FAIM2: variants seen among roughly 807,000 people sequenced by gnomAD.
FAIM2 encodes Fas apoptotic inhibitory molecule 2.
Under a neutral mutation model 47.4 loss-of-function variants are expected in FAIM2, and 27 were observed. The observed-to-expected ratio is 0.57, with a 90% CI of 0.42 to 0.78. The LOEUF (loss-of-function observed/expected upper bound fraction) is 0.78. FAIM2 is among the 30% of genes least tolerant of loss of function. The pLI, the probability that FAIM2 is intolerant of heterozygous loss-of-function variation, is 0.00. For missense variants in FAIM2, 311 were observed against 389.4 expected (o/e 0.80, Z 1.69); for synonymous variants, 156 against 159.3 (o/e 0.98, Z 0.16).
At chr12:49,898,233 C>G (rs894712664) in intron 2 of FAIM2, 143 bp from the exon 3 acceptor site, 1 of 653,338 alleles carries the variant, frequency 1.5e-6, no homozygotes, top group Non-Finnish European at 2.8e-6. Context: ...CATTATCAAA[C>G]ACCCAGCCCG....
At chr12:49,890,618 C>A in intron 7 of FAIM2, 65 bp downstream of exon 7, 1 of 1,498,698 alleles carries the variant, frequency 6.7e-7, no homozygotes, top group South Asian at 1.1e-5. Context: ...CCTCAATCCA[C>A]CCTGCTTCCC....
chr12:49,877,956 G>GTGTGCA (rs1946750028), intron 11 of FAIM2, among the ~76,000 whole-genome samples: 1 of 149,742 alleles, frequency 6.7e-6, no homozygotes, highest in African/African-American at 2.5e-5. Flanking sequence ...GTGCGTATGT[G>GTGTGCA]TGTGTATGTG....
chr12:49,893,137 G>A (rs1028434011), intron 5 of FAIM2, among the ~76,000 whole-genome samples: 17 of 152,174 alleles, frequency 1.1e-4, no homozygotes, highest in Non-Finnish European at 2.4e-4. Flanking sequence ...CCATGCTGCA[G>A]GCAGATCCAA....
chr12:49,890,234 T>A (rs768258954), intron 7 of FAIM2, 80 bp from the exon 8 acceptor site: 7 of 1,324,134 alleles, frequency 5.3e-6, no homozygotes, highest in Non-Finnish European at 5.4e-6. Context: ...AGCTCAGGTC[T>A]CCACCCCTTG....
At position 49,870,554 on chromosome 12, in the gene FAIM2, T is replaced by C; in HGVS notation, c.901A>G (p.Ile301Val). 1.2e-6 allele frequency: 2 copies of C among 1,613,676 alleles called. No individual in the cohort carries two copies. The highest frequency in any genetic ancestry group is 2.2e-5 in the South Asian group (2 of 91,046). The change falls in exon 12 of 12, where the codon ATC becomes GTC. Residue 301 changes from isoleucine (I) to valine (V), a missense_variant. Coordinates refer to ENST00000320634, the MANE Select transcript of FAIM2 (RefSeq NM_012306.4). ...FGALNIYLDI[I>V]YIFTFFLQLF... ...TGCAGGAAGAAGGTGAAGATATAGATGATGTCTAGGTAAATGTTGAGGGCT... is the reference window on the plus strand; with the variant it reads ...TGCAGGAAGAAGGTGAAGATATAGACGATGTCTAGGTAAATGTTGAGGGCT...
chr12:49,889,890 G>A (rs1946887205), intron 8 of FAIM2, among the ~76,000 whole-genome samples: 3 of 152,080 alleles, frequency 2.0e-5, no homozygotes, highest in Admixed American at 6.5e-5. Context: ...TACTGTTTGG[G>A]AGGAGCCACC....
intron 4 of FAIM2, among the ~76,000 whole-genome samples, 198 bp downstream of exon 4, chr12:49,897,321 C>G (rs1164959585): frequency 5.9e-5 from 9 of 152,178 alleles, no homozygotes; most frequent in Admixed American, 3.9e-4. Context: ...CCAGAAGGCA[C>G]CCAGGGTCCA....
At chr12:49,880,178 ATGCATGTGTGTATATG>A (rs202135663) in intron 11 of FAIM2, among the ~76,000 whole-genome samples, 11 of 56,754 alleles carry the variant, frequency 1.9e-4, no homozygotes, top group East Asian at 5.6e-4. Context: ...ATGTGTGTGT[ATGCATGTGTGTATATG>A]TGCATGTGTG....
rs187901868 is a variant in FAIM2 at position 49,900,224 on chromosome 12, T to C, written c.211+906A>G. ...GGGTCTGCGCCCAGGGGATTTGTAG[T>C]GGGAGGTGTAGACCATGGTGGCTAC... On this transcript the variant is annotated intron_variant, in intron 2 of 11. Transcript: ENST00000320634. 7.5e-4 allele frequency: 959 copies of C among 1,287,144 alleles called. 13 individuals carry two copies. Among genetic ancestry groups the C allele is most frequent in the East Asian group, 5.0e-3 (89 of 17,958 alleles). 79.7% of individuals were successfully genotyped at this position (1,287,144 alleles called of 1,614,324 possible).
chr12:49,880,980 G>C (rs1946822191), intron 11 of FAIM2, among the ~76,000 whole-genome samples: 1 of 152,100 alleles, frequency 6.6e-6, no homozygotes, highest in South Asian at 2.1e-4. Context: ...TGCCAGCTCT[G>C]AGGGCTCCAG....
At chr12:49,890,848 C>A (rs1946895243) in intron 6 of FAIM2, 126 bp from the exon 7 acceptor site, 1 of 900,536 alleles carries the variant, frequency 1.1e-6, no homozygotes, top group South Asian at 1.4e-5. Context: ...CCTCTTCCTT[C>A]AGCCACATCC....
chr12:49,884,614 A>T (rs1273596860), intron 11 of FAIM2, among the ~76,000 whole-genome samples: 1 of 152,212 alleles, frequency 6.6e-6, no homozygotes, highest in African/African-American at 2.4e-5. Context: ...GGGGCACTGG[A>T]AATGGCACCA....
At chr12:49,888,450 C>T (rs921851441) in intron 10 of FAIM2, among the ~76,000 whole-genome samples, 19 of 152,264 alleles carry the variant, frequency 1.2e-4, no homozygotes, top group South Asian at 4.1e-4. Context: ...CCCCCAGCAG[C>T]GGTCCAACAG....
chr12:49,901,419 A>C (rs1946981668), intron 1 of FAIM2, 94 bp from the exon 2 acceptor site: 1 of 1,010,324 alleles, frequency 9.9e-7, no homozygotes, highest in Non-Finnish European at 1.4e-6. Context: ...TGGAACTTTC[A>C]TGGTTCCTTC....
At chr12:49,898,128 C>T (rs748619609) in intron 2 of FAIM2, 38 bp from the exon 3 acceptor site, 28 of 1,489,288 alleles carry the variant, frequency 1.9e-5, no homozygotes, top group Non-Finnish European at 2.3e-5. Flanking sequence ...TGAGGGTTCC[C>T]CCTACATAGA....
chr12:49,894,518 T>G (rs1946922260), intron 5 of FAIM2, among the ~76,000 whole-genome samples: 1 of 151,834 alleles, frequency 6.6e-6, no homozygotes, highest in African/African-American at 2.4e-5. Context: ...AGGGAATGAG[T>G]CACTTAAGAA....
intron 11 of FAIM2, among the ~76,000 whole-genome samples, chr12:49,879,680 GTGT>G (rs1946788684): frequency 7.4e-6 from 1 of 135,472 alleles, no homozygotes; most frequent in African/African-American, 3.0e-5. Flanking sequence ...GTGTGCATGT[GTGT>G]ATCTGTGTCT....
chr12:49,892,969 G>T (rs1246446596), intron 5 of FAIM2, among the ~76,000 whole-genome samples: 2 of 152,088 alleles, frequency 1.3e-5, no homozygotes, highest in African/African-American at 2.4e-5. Context: ...CTCTCACTCT[G>T]CTACACCCAA....
intron 11 of FAIM2, among the ~76,000 whole-genome samples, chr12:49,880,378 GTGTCTA>G (rs1270634418): frequency 2.7e-5 from 4 of 147,750 alleles, no homozygotes; most frequent in African/African-American, 1.0e-4. Flanking sequence ...ATGTGTATGT[GTGTCTA>G]TGTGTGCATG....
Sources: allele counts gnomAD v4.1 joint callset (sites outside exome capture counted in the v4.1 genomes callset), GRCh38; gene constraint gnomAD v4.1.1; transcripts MANE v1.5; gene names NCBI Gene and HGNC (gene_info 2026-07-23, HGNC 2026-07-21).